Variants in HIVEP3 observed in about 807,000 individuals in gnomAD.
HIVEP3 encodes the protein transcription factor HIVEP3.
HIVEP3 carries 49 observed loss-of-function variants against 152.8 expected under a neutral mutation model. The ratio of observed to expected loss-of-function variants is 0.32; its 90% CI spans 0.26 to 0.41. HIVEP3 has a LOEUF of 0.41. Among genes scored for constraint, HIVEP3 ranks in the 10% least tolerant of loss-of-function variants. The pLI, the probability that HIVEP3 is intolerant of heterozygous loss-of-function variation, is 1.00. For missense variants in HIVEP3, 2,790 were observed against 3,103.3 expected, an observed-to-expected ratio of 0.90 and a Z score of 2.40; for synonymous variants, 1,269 against 1,289.0, an observed-to-expected ratio of 0.98 and a Z score of 0.33.
At position 41,584,746 on chromosome 1, in the gene HIVEP3, G is replaced by A. The variant is rs909415987; in HGVS notation, c.52C>T (p.Arg18Trp). The change falls in exon 4 of 9, where the codon CGG (arginine) becomes TGG (tryptophan). Residue 18 changes from arginine (R) to tryptophan (W), a missense_variant. By Grantham distance (101) the Arg-to-Trp change is moderately radical. Around this residue, in one of 9 missense-constraint regions of HIVEP3, gnomAD observed 209 missense variants for 237.0 expected, o/e 0.88. Coordinates refer to ENST00000372583, the MANE Select transcript of HIVEP3 (RefSeq NM_024503.5). The surrounding 1 kb of genome is among the most constrained non-coding windows in gnomAD (Gnocchi z 5.2). ...KGTKKAEGSP[R>W]KRLTKGEAIQ... ...GCCTCTCCTTTGGTCAGCCGCTTCC[G>A]GGGACTTCCCTCAGCCTTCTTGGTG... 9.2e-6 allele frequency: 14 copies of A among 1,521,138 alleles called. No individual in the cohort carries two copies. Among genetic ancestry groups the A allele is most frequent in the East Asian group, 4.5e-5 (2 of 44,102 alleles). The allele number at this position is 1,521,138 out of a possible 1,614,324, so 94.2% of individuals were successfully genotyped here.
chr1:41,532,364 C>T (rs546481819), intron 5 of HIVEP3, among the ~76,000 whole-genome samples: 18 of 152,062 alleles, frequency 1.2e-4, no homozygotes, highest in East Asian at 5.8e-4. Context: ...AGGCACCCCC[C>T]GGAGCAACGG....
At chr1:41,904,615 C>T (rs923834712) in intron 1 of HIVEP3, among the ~76,000 whole-genome samples, 1 of 151,334 alleles carries the variant, frequency 6.6e-6, no homozygotes, top group Non-Finnish European at 1.5e-5. Flanking sequence ...GAAACACCTC[C>T]CACAGGCCCA....
At chr1:41,881,475 T>TA (rs1479862294) in intron 1 of HIVEP3, among the ~76,000 whole-genome samples, 1 of 152,220 alleles carries the variant, frequency 6.6e-6, no homozygotes, top group African/African-American at 2.4e-5. Flanking sequence ...TAGAAAGTTC[T>TA]AAAAACGATA....
chr1:41,836,742 G>A (rs776601195), intron 1 of HIVEP3, among the ~76,000 whole-genome samples: 1 of 152,198 alleles, frequency 6.6e-6, no homozygotes, highest in African/African-American at 2.4e-5. Context: ...GCAAACCTAA[G>A]AGGCATCCTG....
chr1:41,834,053 G>A (rs1643046509), intron 1 of HIVEP3, among the ~76,000 whole-genome samples: 1 of 152,158 alleles, frequency 6.6e-6, no homozygotes, highest in South Asian at 2.1e-4. Context: ...CATGGTCACA[G>A]AATAAGAAAG....
At position 41,964,355 on chromosome 1, in the gene HIVEP3, T is replaced by C. The variant is rs142200253; in HGVS notation, n.120-45831A>G. On this transcript the variant is annotated intron_variant and non_coding_transcript_variant, in intron 1 of 3. Transcript: ENST00000489103. ...CCCAGCCAAGGGAGGCAGTGAGTGA[T>C]TGTGCTACCCCACCTGGGAAACCAT... Among the ~76,000 whole-genome samples, 1,490 of 152,244 alleles carry C rather than the reference T, an allele frequency of 9.8e-3. 7 individuals carry two copies. The highest frequency in any genetic ancestry group is 0.015 in the Non-Finnish European group (989 of 68,008).
intron 5 of HIVEP3, among the ~76,000 whole-genome samples, chr1:41,570,464 T>C (rs1455444949): frequency 6.6e-6 from 1 of 152,138 alleles, no homozygotes; most frequent in Non-Finnish European, 1.5e-5. Context: ...CCTGCATGCA[T>C]TTTTCCTTCC....
At chr1:41,991,177 C>A (rs1371002191) in intron 1 of HIVEP3, among the ~76,000 whole-genome samples, 2 of 152,032 alleles carry the variant, frequency 1.3e-5, no homozygotes, top group Non-Finnish European at 2.9e-5. Flanking sequence ...GAAACAGAGA[C>A]ACAAAAAACC....
intron 1 of HIVEP3, among the ~76,000 whole-genome samples, chr1:42,005,203 C>T (rs1297423403): frequency 1.3e-5 from 2 of 152,144 alleles, no homozygotes; most frequent in South Asian, 2.1e-4. Flanking sequence ...GTATTTTGCC[C>T]TTCTAAAGAT....
chr1:41,582,332 G>A lies in HIVEP3; in HGVS notation c.2466C>T (p.Asp822=), dbSNP rs772303614. The part of the protein sequence containing the change: ...LEQPSGLEGE[D]KPLAQFPSPP... Reference sequence around the variant, plus strand: ...GTGATGGGAACTGGGCCAGAGGTTTGTCTTCCCCTTCCAAGCCACTCGGCT... The same window carrying A: ...GTGATGGGAACTGGGCCAGAGGTTTATCTTCCCCTTCCAAGCCACTCGGCT... Residue 822 remains aspartate (D), a synonymous_variant, in exon 4 of 9, where the codon GAC becomes GAT. Coordinates refer to ENST00000372583, the MANE Select transcript of HIVEP3 (RefSeq NM_024503.5). The surrounding 1 kb of genome is among the most constrained non-coding windows in gnomAD (Gnocchi z 4.7). 1 of 1,614,162 alleles carries A rather than the reference G, an allele frequency of 6.2e-7. No homozygotes were observed. The highest frequency in any genetic ancestry group is 8.5e-7 in the Non-Finnish European group (1 of 1,180,012).
intron 2 of HIVEP3, among the ~76,000 whole-genome samples, chr1:41,630,595 T>C (rs1464303639): frequency 3.3e-5 from 5 of 152,148 alleles, no homozygotes; most frequent in Non-Finnish European, 7.4e-5. Flanking sequence ...CCCCGGCTGA[T>C]GACCAGCAAA....
chr1:42,015,404 G>A (rs1482273534), intron 1 of HIVEP3, among the ~76,000 whole-genome samples: 1 of 152,166 alleles, frequency 6.6e-6, no homozygotes, highest in Non-Finnish European at 1.5e-5. Context: ...AGGGGCATGG[G>A]TTTCCTCTGC....
At chr1:41,561,649 A>T (rs544984257) in intron 5 of HIVEP3, among the ~76,000 whole-genome samples, 86 of 129,870 alleles carry the variant, frequency 6.6e-4, no homozygotes, top group African/African-American at 2.3e-3. Context: ...AGTAGCTGGG[A>T]CTATAGGCAC....
At chr1:41,941,133 A>G (rs1229356304) in intron 1 of HIVEP3, among the ~76,000 whole-genome samples, 1 of 152,214 alleles carries the variant, frequency 6.6e-6, no homozygotes, top group Non-Finnish European at 1.5e-5. Context: ...AAACATGCTG[A>G]AAAGTGGATG....
intron 2 of HIVEP3, among the ~76,000 whole-genome samples, chr1:41,676,991 C>G (rs545686873): frequency 6.6e-6 from 1 of 152,122 alleles, no homozygotes; most frequent in Non-Finnish European, 1.5e-5. Context: ...TGTGTTATGC[C>G]GTGTGGAGGA....
At chr1:41,967,135 C>A (rs1035665926) in intron 1 of HIVEP3, among the ~76,000 whole-genome samples, 13 of 151,972 alleles carry the variant, frequency 8.6e-5, no homozygotes, top group Non-Finnish European at 1.9e-4. Context: ...AATATTAGAT[C>A]ATTGAGACAG....
chr1:41,583,308 A>G lies in HIVEP3; in HGVS notation c.1490T>C (p.Met497Thr). 1 of 1,611,890 alleles carries G rather than the reference A, an allele frequency of 6.2e-7. No homozygotes were observed. Among genetic ancestry groups the G allele is most frequent in the Non-Finnish European group, 8.5e-7 (1 of 1,179,062 alleles). ...GTAGAGGCTGGATTTTGGGGACTCC[A>G]TGCTGCTGCGCCTGGACAGTGAGCT... ...RRSSLSRRSSMESPKSSLYRE... is the reference protein window; with the variant it reads ...RRSSLSRRSSTESPKSSLYRE... The change falls in exon 4 of 9, where the codon ATG becomes ACG. Residue 497 changes from methionine (M) to threonine (T), a missense_variant. Met to Thr is a moderately conservative substitution (Grantham distance 81, BLOSUM62 -1). Around this residue, in one of 9 missense-constraint regions of HIVEP3, gnomAD observed 134 missense variants for 242.5 expected, o/e 0.55. Transcript: ENST00000372583. This position sits in a 1 kb window ranked among gnomAD's most constrained non-coding sequence, Gnocchi z 6.9.
intron 2 of HIVEP3, among the ~76,000 whole-genome samples, chr1:41,676,920 G>A (rs1272785258): frequency 6.6e-6 from 1 of 152,230 alleles, no homozygotes; most frequent in Non-Finnish European, 1.5e-5. Flanking sequence ...GTCACCAGCT[G>A]GGATGGTGAA....
chr1:42,010,743 T>C (rs1645488385), intron 1 of HIVEP3, among the ~76,000 whole-genome samples: 1 of 152,162 alleles, frequency 6.6e-6, no homozygotes, highest in South Asian at 2.1e-4. Flanking sequence ...AGAAAACCAT[T>C]CTTAGAATTC....
Sources: allele counts gnomAD v4.1 joint callset (sites outside exome capture counted in the v4.1 genomes callset), GRCh38; gene constraint gnomAD v4.1.1; regional missense constraint gnomAD v4.1.1; non-coding constraint Gnocchi (gnomAD v3.1); transcripts MANE v1.5; gene names NCBI Gene and HGNC (gene_info 2026-07-23, HGNC 2026-07-21).